Variants in EXOC4 observed in about 807,000 individuals in gnomAD.
The protein encoded by EXOC4 is SEC8-like 1.
EXOC4 carries 71 observed loss-of-function variants against 107.2 expected under a neutral mutation model. The ratio of observed to expected loss-of-function variants is 0.66; its 90% CI spans 0.55 to 0.81. The LOEUF (loss-of-function observed/expected upper bound fraction) is 0.81, where lower values mean the gene tolerates loss of function less well. Ranked by LOEUF, EXOC4 falls within the 30% of genes least tolerant of loss-of-function variation. EXOC4 has a pLI of 0.00. For missense variants in EXOC4, 1,108 were observed against 1,189.6 expected, an observed-to-expected ratio of 0.93 and a Z score of 1.01; for synonymous variants, 456 against 441.2, an observed-to-expected ratio of 1.03 and a Z score of -0.42.
chr7:133,491,842 A>G (rs1386578686), intron 9 of EXOC4, among the ~76,000 whole-genome samples: 1 of 152,216 alleles, frequency 6.6e-6, no homozygotes, highest in Non-Finnish European at 1.5e-5. Flanking sequence ...TGAGTTGACC[A>G]CACTGAACAA....
chr7:133,972,629 A>G (rs1230110827), intron 14 of EXOC4, among the ~76,000 whole-genome samples: 1 of 152,248 alleles, frequency 6.6e-6, no homozygotes, highest in Non-Finnish European at 1.5e-5. Flanking sequence ...AGGATCATTT[A>G]CATATCTTTA....
In EXOC4 at chr7:133,495,318, T is replaced by A. The variant is rs768748310; in HGVS notation, c.1417+15180T>A. Among the ~76,000 whole-genome samples, 12 of 152,224 alleles carry A rather than the reference T, an allele frequency of 7.9e-5. 1 individual carries two copies. The South Asian group carries it at 1.9e-3, about 24-fold the overall frequency. ...TGCCTGTACACTGAATCTTTTCTGT[T>A]CTTTCTCCCCTTTTTTAACCTTAGT... On this transcript the variant is annotated intron_variant, in intron 9 of 17. Transcript: ENST00000253861.
intron 5 of EXOC4, among the ~76,000 whole-genome samples, chr7:133,348,757 GCTT>G (rs1435865950): frequency 7.2e-5 from 11 of 152,260 alleles, no homozygotes; most frequent in African/African-American, 2.4e-4. Flanking sequence ...GAAGTATCTA[GCTT>G]CTTCATGTGT....
chr7:133,839,165 T>C (rs1222696167), intron 11 of EXOC4, among the ~76,000 whole-genome samples: 2 of 152,214 alleles, frequency 1.3e-5, no homozygotes, highest in African/African-American at 4.8e-5. Flanking sequence ...TATTGTGGCA[T>C]AATAGTGCCA....
intron 11 of EXOC4, among the ~76,000 whole-genome samples, chr7:133,847,222 T>C (rs1798144605): frequency 6.6e-6 from 1 of 152,152 alleles, no homozygotes; most frequent in Non-Finnish European, 1.5e-5. Context: ...GTCACCCTAC[T>C]GTGCAATAGA....
chr7:133,585,145 A>G (rs1323931624), intron 9 of EXOC4, among the ~76,000 whole-genome samples: 1 of 152,192 alleles, frequency 6.6e-6, no homozygotes, highest in Non-Finnish European at 1.5e-5. Flanking sequence ...TACTCCTCAC[A>G]CATGCAAAGG....
At chr7:133,810,872 A>G (rs2551003) in intron 10 of EXOC4, among the ~76,000 whole-genome samples, 131,756 of 152,040 alleles carry the variant, frequency 0.87, 57,274 homozygotes, top group East Asian at 0.99. Context: ...TGACCTCGTG[A>G]TCTGCCTGCC....
At chr7:133,304,618 A>C (rs139206413) in intron 3 of EXOC4, among the ~76,000 whole-genome samples, 17 of 152,252 alleles carry the variant, frequency 1.1e-4, no homozygotes, top group Admixed American at 9.8e-4. Context: ...GGCAGCTACA[A>C]AGGTTTCTCT....
At chr7:133,553,316 C>T (rs1297219034) in intron 9 of EXOC4, among the ~76,000 whole-genome samples, 3 of 152,150 alleles carry the variant, frequency 2.0e-5, no homozygotes, top group Admixed American at 1.3e-4. Context: ...TTGTTCCTAT[C>T]TTCTGCTAAA....
intron 10 of EXOC4, among the ~76,000 whole-genome samples, chr7:133,728,167 A>G (rs1795254653): frequency 1.3e-5 from 2 of 152,200 alleles, no homozygotes; most frequent in South Asian, 4.1e-4. Context: ...AGACCTTAAA[A>G]TCTTATGTTA....
At chr7:133,672,668 A>G (rs535175167) in intron 10 of EXOC4, among the ~76,000 whole-genome samples, 8 of 152,298 alleles carry the variant, frequency 5.3e-5, no homozygotes, top group Non-Finnish European at 8.8e-5. Context: ...AGCTACCAGC[A>G]AAGGGTATTC....
intron 9 of EXOC4, among the ~76,000 whole-genome samples, chr7:133,532,057 TTA>T (rs1800190757): frequency 6.6e-6 from 1 of 152,068 alleles, no homozygotes; most frequent in South Asian, 2.1e-4. Flanking sequence ...TGAAACGGGT[TTA>T]TGTTAAGTAC....
intron 10 of EXOC4, among the ~76,000 whole-genome samples, chr7:133,757,340 A>G (rs1223280466): frequency 6.6e-6 from 1 of 152,224 alleles, no homozygotes; most frequent in East Asian, 1.9e-4. Context: ...TAGGAAAAAA[A>G]TATGAAGCAT....
chr7:133,397,134 C>CTTTTG (rs1554446372), intron 7 of EXOC4, among the ~76,000 whole-genome samples: 1 of 146,488 alleles, frequency 6.8e-6, no homozygotes, highest in Non-Finnish European at 1.5e-5. Flanking sequence ...GTTTTCTTTT[C>CTTTTG]TTTTTTTTTT....
intron 9 of EXOC4, among the ~76,000 whole-genome samples, chr7:133,571,792 A>G (rs1801029610): frequency 6.6e-6 from 1 of 152,090 alleles, no homozygotes; most frequent in Non-Finnish European, 1.5e-5. Flanking sequence ...TGCATTCTCC[A>G]GTGAGGAGGA....
intron 9 of EXOC4, among the ~76,000 whole-genome samples, chr7:133,503,530 A>T (rs1282341678): frequency 2.0e-5 from 3 of 152,050 alleles, no homozygotes; most frequent in African/African-American, 7.2e-5. Flanking sequence ...GCTGGATGAA[A>T]ATTGGCTGCA....
chr7:133,454,253 A>G (rs1157626947), intron 7 of EXOC4, among the ~76,000 whole-genome samples: 3 of 152,162 alleles, frequency 2.0e-5, no homozygotes, highest in African/African-American at 7.2e-5. Flanking sequence ...CCTTTTGTTT[A>G]GTATTATATT....
intron 10 of EXOC4, among the ~76,000 whole-genome samples, chr7:133,787,276 C>G (rs1253133923): frequency 2.0e-5 from 3 of 149,124 alleles, no homozygotes; most frequent in African/African-American, 7.4e-5. Context: ...AAGTGATCCT[C>G]CCACCTCAGC....
At chr7:133,971,357 TATATAGAG>T (rs773343104) in intron 14 of EXOC4, among the ~76,000 whole-genome samples, 21 of 100,528 alleles carry the variant, frequency 2.1e-4, no homozygotes, top group East Asian at 1.6e-3. Flanking sequence ...TATATATATA[TATATAGAG>T]AGAGAGAGAG....
Sources: gnomAD v4.1 joint callset for allele counts (sites outside exome capture counted in the v4.1 genomes callset) on GRCh38, gnomAD v4.1.1 for gene constraint, MANE v1.5 for transcripts, NCBI Gene and HGNC (gene_info 2026-07-23, HGNC 2026-07-21) for gene names.